The following PTPRD variants were observed in gnomAD, a reference collection of about 807,000 sequenced individuals.
The protein encoded by PTPRD is receptor-type tyrosine-protein phosphatase delta.
A neutral mutation model predicts 214.5 loss-of-function variants in PTPRD; 34 were observed. The ratio of observed to expected loss-of-function variants is 0.16; its 90% CI spans 0.12 to 0.21. The LOEUF is 0.21. PTPRD is among the 10% of genes least tolerant of loss of function. The pLI is 1.00. For synonymous variants in PTPRD, 1,128 were observed against 845.7 expected (o/e 1.33, Z -5.79); for missense variants, 2,545 against 2,398.7 (o/e 1.06, Z -1.27).
At chr9:9,490,844 C>G (rs1037413385) in intron 8 of PTPRD, among the ~76,000 whole-genome samples, 1 of 151,256 alleles carries the variant, frequency 6.6e-6, no homozygotes, top group Non-Finnish European at 1.5e-5. Context: ...AAAAAAATAG[C>G]AAAAAGACAG....
chr9:8,400,181 A>G (rs2092137478), intron 36 of PTPRD, among the ~76,000 whole-genome samples: 1 of 152,226 alleles, frequency 6.6e-6, no homozygotes, highest in Non-Finnish European at 1.5e-5. Flanking sequence ...AGCAGTGAAG[A>G]TTAATTATAC....
chr9:9,864,530 G>GT (rs572894562), intron 5 of PTPRD, among the ~76,000 whole-genome samples: 2 of 151,872 alleles, frequency 1.3e-5, no homozygotes, highest in Non-Finnish European at 2.9e-5. Context: ...TTGTTTGTTT[G>GT]TTTTTTGAGG....
At chr9:9,427,964 A>T (rs2081616691) in intron 8 of PTPRD, among the ~76,000 whole-genome samples, 1 of 152,230 alleles carries the variant, frequency 6.6e-6, no homozygotes, top group African/African-American at 2.4e-5. Context: ...AGACATGCCG[A>T]ATTGTAAAGA....
intron 11 of PTPRD, among the ~76,000 whole-genome samples, chr9:8,751,463 G>A (rs182024351): frequency 6.6e-6 from 1 of 151,864 alleles, no homozygotes; most frequent in African/African-American, 2.4e-5. Context: ...GTAGATCAAA[G>A]CCTTTTTTGT....
intron 9 of PTPRD, among the ~76,000 whole-genome samples, chr9:9,377,672 G>C (rs374486883): frequency 6.6e-6 from 1 of 152,004 alleles, no homozygotes; most frequent in Non-Finnish European, 1.5e-5. Flanking sequence ...AATCCCTTCA[G>C]ACATTGACTA....
chr9:9,731,464 T>A (rs1047023389), intron 7 of PTPRD, among the ~76,000 whole-genome samples: 1 of 30,378 alleles, frequency 3.3e-5, no homozygotes, highest in Non-Finnish European at 6.6e-5. Context: ...AATTTAAGGT[T>A]TTTTTTTAAT....
intron 2 of PTPRD, among the ~76,000 whole-genome samples, chr9:10,376,093 T>C (rs756819323): frequency 6.6e-6 from 1 of 151,970 alleles, no homozygotes; most frequent in South Asian, 2.1e-4. Context: ...TAAAGTGTTG[T>C]TCATCTCATA....
intron 10 of PTPRD, among the ~76,000 whole-genome samples, chr9:9,062,852 C>T (rs568465955): frequency 5.9e-5 from 9 of 152,096 alleles, no homozygotes; most frequent in Non-Finnish European, 1.2e-4. Context: ...CCAGGCAGCT[C>T]GTAAACTTCA....
intron 8 of PTPRD, among the ~76,000 whole-genome samples, chr9:9,400,710 A>G (rs547522299): frequency 1.3e-5 from 2 of 152,150 alleles, no homozygotes; most frequent in African/African-American, 2.4e-5. Context: ...TACTGTAAAC[A>G]ATTTTGGAGC....
At chr9:9,201,549 A>C (rs1019250005) in intron 9 of PTPRD, among the ~76,000 whole-genome samples, 2 of 152,144 alleles carry the variant, frequency 1.3e-5, no homozygotes, top group African/African-American at 2.4e-5. Flanking sequence ...TATATTATAG[A>C]CTTGGTGATT....
chr9:10,353,285 G>GA (rs2097213169), intron 2 of PTPRD, among the ~76,000 whole-genome samples: 1 of 151,864 alleles, frequency 6.6e-6, no homozygotes, highest in Admixed American at 6.6e-5. Flanking sequence ...CATCCTCTGT[G>GA]AAAAACTTAC....
rs116965624 is a variant in PTPRD at position 9,977,567 on chromosome 9, C to G, written c.-471-38957G>C. Among the ~76,000 whole-genome samples, 450 of 152,142 alleles carry G rather than the reference C, an allele frequency of 3.0e-3. 3 individuals carry two copies. Among genetic ancestry groups the G allele is most frequent in the Middle Eastern group, 6.8e-3 (2 of 294 alleles). ...AAGTGATTTTTAAGGGGTTTCCAAG[C>G]CTTTGTTCAAAAATACTAAGATATA... On this transcript the variant is annotated intron_variant, in intron 4 of 45. Coordinates refer to ENST00000381196, the MANE Select transcript of PTPRD (RefSeq NM_002839.4).
intron 12 of PTPRD, among the ~76,000 whole-genome samples, chr9:8,717,737 A>C (rs1470505218): frequency 6.6e-6 from 1 of 152,136 alleles, no homozygotes; most frequent in African/African-American, 2.4e-5. Flanking sequence ...ATTCTATTCC[A>C]AGTGATTCTG....
At chr9:8,421,350 T>A (rs963931324) in intron 35 of PTPRD, among the ~76,000 whole-genome samples, 3 of 146,952 alleles carry the variant, frequency 2.0e-5, no homozygotes, top group African/African-American at 5.2e-5. Flanking sequence ...CTTTTCTTTC[T>A]TCTTCTCTCT....
intron 10 of PTPRD, among the ~76,000 whole-genome samples, chr9:9,031,397 A>T (rs2099604942): frequency 6.6e-6 from 1 of 152,006 alleles, no homozygotes; most frequent in African/African-American, 2.4e-5. Context: ...ATAGCCCACT[A>T]CACAACTCGG....
intron 3 of PTPRD, among the ~76,000 whole-genome samples, chr9:10,042,818 T>C (rs1446178442): frequency 1.3e-5 from 2 of 151,950 alleles, no homozygotes; most frequent in African/African-American, 4.8e-5. Flanking sequence ...ATCCAGAATT[T>C]TAAAAATCTT....
chr9:9,600,171 G>C (rs1349745483), intron 7 of PTPRD, among the ~76,000 whole-genome samples: 1 of 152,052 alleles, frequency 6.6e-6, no homozygotes, highest in Non-Finnish European at 1.5e-5. Context: ...AGAAAGCATA[G>C]AAACAAGAAA....
chr9:9,035,822 T>C (rs10759032), intron 10 of PTPRD, among the ~76,000 whole-genome samples: 22,370 of 152,060 alleles, frequency 0.15, 2,108 homozygotes, highest in East Asian at 0.4. Context: ...TCTGGTTTAA[T>C]GCTTATTCAA....
chr9:8,962,256 C>T (rs1237988280), intron 11 of PTPRD: 1 of 152,122 alleles, frequency 6.6e-6, no homozygotes, highest in Non-Finnish European at 1.5e-5. Flanking sequence ...GGCATCATTT[C>T]CTTTGCAGAG....
Sources: gnomAD v4.1 joint callset for allele counts (sites outside exome capture counted in the v4.1 genomes callset) on GRCh38, gnomAD v4.1.1 for gene constraint, MANE v1.5 for transcripts, NCBI Gene and HGNC (gene_info 2026-07-23, HGNC 2026-07-21) for gene names.